The following TMEM25 variants were observed in gnomAD, a reference collection of about 807,000 sequenced individuals.
TMEM25 encodes 0610039J01Rik.
A neutral mutation model predicts 37.0 loss-of-function variants in TMEM25; 36 were observed. The ratio of observed to expected loss-of-function variants is 0.97; its 90% CI spans 0.75 to 1.28. TMEM25 has a LOEUF of 1.28. TMEM25 is among the 50% of genes most tolerant of loss of function. The probability of loss-of-function intolerance (pLI) is 0.00; values close to 1 mark genes in which losing one functional copy is unlikely to be tolerated. For synonymous variants in TMEM25, 197 were observed against 203.7 expected (o/e 0.97, Z 0.28); for missense variants, 444 against 477.9 (o/e 0.93, Z 0.66).
At chr11:118,545,697 C>T (rs1591355855) in intron 8 of TMEM25, 1 of 1,372,786 alleles carries the variant, frequency 7.3e-7, no homozygotes, top group Non-Finnish European at 1.0e-6. Context: ...AAGGCTGAAA[C>T]TCAAGATACT....
chr11:118,545,026 A>G (rs781789999), intron 8 of TMEM25: 1 of 1,568,678 alleles, frequency 6.4e-7, no homozygotes, highest in South Asian at 1.1e-5. Flanking sequence ...AAGGAAGAGG[A>G]GAGGGAATAT....
chr11:118,539,713 G>A (rs1555064792), downstream of TMEM25, among the ~76,000 whole-genome samples: 1 of 151,970 alleles, frequency 6.6e-6, no homozygotes, highest in African/African-American at 2.4e-5. Flanking sequence ...TCGATGGGCT[G>A]TGATTTTTTC....
At chr11:118,538,388 TGAACTCCTGACCTC>T (rs1343713250), downstream of TMEM25, among the ~76,000 whole-genome samples, 6 of 152,020 alleles carry the variant, frequency 3.9e-5, no homozygotes, top group Non-Finnish European at 7.4e-5. Context: ...AGGCTGGTCT[TGAACTCCTGACCTC>T]GTGATCTGCC....
chr11:118,537,469 A>T (rs1951526131), downstream of TMEM25, among the ~76,000 whole-genome samples: 1 of 152,210 alleles, frequency 6.6e-6, no homozygotes, highest in Non-Finnish European at 1.5e-5. Context: ...ACTTTTGTTA[A>T]CTATACTCAC....
chr11:118,546,273 A>G (rs577759024), exon 9 of TMEM25: 2 of 669,522 alleles, frequency 3.0e-6, no homozygotes, highest in Non-Finnish European at 5.5e-6. Context: ...TGAGGTGGGC[A>G]GATCGCCTGA....
rs1951491783 is a variant in TMEM25 at position 118,535,594 on chromosome 11, C to G, written c.*1014C>G. On this transcript the variant is annotated 3_prime_UTR_variant, in exon 9 of 9. Transcript: ENST00000313236. ...AGGTGCCCTTCCTGGAGGATGGTCG[C>G]CACAGGCACATAATTCAACAGTGTG... 1 of 1,533,600 alleles carries G rather than the reference C, an allele frequency of 6.5e-7. No individual in the cohort carries two copies. The highest frequency in any genetic ancestry group is 1.4e-5 in the African/African-American group (1 of 72,720). 95.0% of individuals were successfully genotyped at this position (1,533,600 alleles called of 1,614,324 possible). A position where few individuals can be genotyped will look rare whatever the true frequency, so the allele number is the denominator to read the frequency against.
chr11:118,532,823 G>T, intron 3 of TMEM25, 94 bp from the exon 4 acceptor site: 1 of 1,516,582 alleles, frequency 6.6e-7, no homozygotes, highest in South Asian at 1.3e-5. Context: ...CTGAGGAGAG[G>T]CCCAGGCCCC....
At chr11:118,542,328 A>G (rs1280655092) in intron 8 of TMEM25, among the ~76,000 whole-genome samples, 1 of 152,170 alleles carries the variant, frequency 6.6e-6, no homozygotes, top group Non-Finnish European at 1.5e-5. Context: ...CCATTAATCT[A>G]TAAGTGGATT....
At chr11:118,547,056 C>T (rs1951703882), downstream of TMEM25, 1 of 152,146 alleles carries the variant, frequency 6.6e-6, no homozygotes, top group Non-Finnish European at 1.5e-5. Context: ...AAATAATATT[C>T]CATTGCATAG....
At chr11:118,531,902 C>A (rs782175224) in intron 2 of TMEM25, 31 bp downstream of exon 2, 4 of 1,550,216 alleles carry the variant, frequency 2.6e-6, no homozygotes, top group South Asian at 1.2e-5. Context: ...TGACCAAGTC[C>A]TTCTGGGTTC....
chr11:118,533,089 G>C lies in TMEM25; in HGVS notation c.555G>C (p.Gln185His). The change falls in exon 4 of 9, where the codon CAG (glutamine) becomes CAC (histidine). Residue 185 changes from glutamine to histidine, a missense_variant. Gln to His is a conservative substitution (Grantham distance 24). Coordinates refer to ENST00000313236, the MANE Select transcript of TMEM25 (RefSeq NM_032780.4). ...CTGACTTCCTGGTGCTGGATGCGCA[G>C]AACTACCCCTGGCTCACCAACCACA... The part of the protein sequence containing the change: ...NTSDFLVLDA[Q>H]NYPWLTNHTV... 4.3e-6 allele frequency: 7 copies of C among 1,613,936 alleles called. No homozygotes were observed. Among genetic ancestry groups the C allele is most frequent in the Non-Finnish European group, 5.9e-6 (7 of 1,180,020 alleles).
exon 9 of TMEM25, chr11:118,546,187 A>G: frequency 1.4e-6 from 1 of 718,326 alleles, no homozygotes. Flanking sequence ...GATGGCCAAG[A>G]AGAGACCCCT....
At chr11:118,544,588 AACAATTCCATCCCTCTC>A (rs1321622813) in intron 8 of TMEM25, 4 of 270,010 alleles carry the variant, frequency 1.5e-5, no homozygotes, top group Non-Finnish European at 2.8e-5. Context: ...AATGAAAGAA[AACAATTCCATCCCTCTC>A]ACAAAAAGGA....
chr11:118,538,362 T>G (rs543511712), downstream of TMEM25, among the ~76,000 whole-genome samples: 5 of 151,864 alleles, frequency 3.3e-5, no homozygotes, highest in Non-Finnish European at 5.9e-5. Context: ...AGAGATGAGG[T>G]TTCACCATAT....
chr11:118,541,072 A>AGGATGAACTTAT (rs1324797999), intron 8 of TMEM25, among the ~76,000 whole-genome samples: 1 of 152,212 alleles, frequency 6.6e-6, no homozygotes, highest in African/African-American at 2.4e-5. Flanking sequence ...CACTTACACG[A>AGGATGAACTTAT]GGATGAACTT....
intron 8 of TMEM25, chr11:118,544,836 A>G: frequency 1.0e-6 from 1 of 991,796 alleles, no homozygotes; most frequent in Non-Finnish European, 1.6e-6. Context: ...CAAGGACATC[A>G]AGTAGCTGAC....
downstream of TMEM25, among the ~76,000 whole-genome samples, chr11:118,536,122 C>A (rs1166538860): frequency 6.6e-6 from 1 of 152,074 alleles, no homozygotes; most frequent in East Asian, 1.9e-4. Flanking sequence ...AAGTGATCTG[C>A]CCACCTCGGC....
Position 118,532,986 on chromosome 11 carries a change from T to G in TMEM25, c.452T>G (p.Leu151Arg). 1 of 1,614,260 alleles carries G rather than the reference T, an allele frequency of 6.2e-7. No individual in the cohort carries two copies. The highest frequency in any genetic ancestry group is 8.5e-7 in the Non-Finnish European group (1 of 1,180,038). Residue 151 changes from leucine to arginine, a missense_variant, in exon 4 of 9, where the codon CTG becomes CGG. Physicochemically the swap from Leu to Arg is moderately radical, Grantham distance 102 (BLOSUM62 -2). Coordinates refer to ENST00000313236, the MANE Select transcript of TMEM25 (RefSeq NM_032780.4). ...EAQGPGLLVVLFALVRANPPA... is the reference protein window; with the variant it reads ...EAQGPGLLVVRFALVRANPPA... ...CAGGGCCCAGGCCTCCTGGTTGTCC[T>G]GTTTGCCCTGGTGCGTGCCAACCCG...
Position 118,544,599 on chromosome 11 carries a change from C to A in TMEM25, c.1028-1520C>A, listed in dbSNP as rs1230261631. ...TACGAATGAAAGAAAACAATTCCAT[C>A]CCTCTCACAAAAAGGACATCTTTTA... On this transcript the variant is annotated intron_variant, in intron 8 of 8. Coordinates refer to the TMEM25 transcript ENST00000354284. 10 of 288,938 alleles carry A rather than the reference C, an allele frequency of 3.5e-5. No individual in the cohort carries two copies. The East Asian group carries it at 7.0e-4, about 20-fold the overall frequency. The allele number at this position is 288,938 out of a possible 1,614,324, so 17.9% of individuals were successfully genotyped here. A position where few individuals can be genotyped will look rare whatever the true frequency, so the allele number is the denominator to read the frequency against.
Sources: gnomAD v4.1 joint callset for allele counts (sites outside exome capture counted in the v4.1 genomes callset) on GRCh38, gnomAD v4.1.1 for gene constraint, MANE v1.5 for transcripts, NCBI Gene and HGNC (gene_info 2026-07-23, HGNC 2026-07-21) for gene names.